Variants in TAFA1 observed in about 807,000 individuals in gnomAD.
The protein encoded by TAFA1 is chemokine-like protein TAFA-1.
A neutral mutation model predicts 18.5 loss-of-function variants in TAFA1; 4 were observed. That is an observed-to-expected ratio of 0.22 (90% CI 0.11 to 0.49). The LOEUF (loss-of-function observed/expected upper bound fraction) is 0.49. Ranked by LOEUF, TAFA1 falls within the 20% of genes least tolerant of loss-of-function variation. The pLI, the probability that TAFA1 is intolerant of heterozygous loss-of-function variation, is 0.98. For synonymous variants in TAFA1, 56 were observed against 55.2 expected (o/e 1.01, Z -0.06); for missense variants, 147 against 169.0 (o/e 0.87, Z 0.72).
At chr3:68,161,283 G>C (rs1465102751) in intron 2 of TAFA1, among the ~76,000 whole-genome samples, 1 of 152,118 alleles carries the variant, frequency 6.6e-6, no homozygotes, top group Admixed American at 6.5e-5. Context: ...AAATTTTCTA[G>C]TTTGGAATTT....
intron 2 of TAFA1, among the ~76,000 whole-genome samples, chr3:68,009,314 T>C (rs1471563090): frequency 6.6e-6 from 1 of 152,240 alleles, no homozygotes; most frequent in African/African-American, 2.4e-5. Context: ...TTATGTATAA[T>C]AAGTAAACTT....
chr3:68,238,085 G>C (rs1291428455), intron 2 of TAFA1, among the ~76,000 whole-genome samples: 1 of 151,986 alleles, frequency 6.6e-6, no homozygotes, highest in Non-Finnish European at 1.5e-5. Context: ...GTCACTTTAT[G>C]GATAACATTC....
At position 68,545,532 on chromosome 3, in the gene TAFA1, GAAGGCCATGA is replaced by G. The variant is rs1219715852; in HGVS notation, c.*1032_*1041del. 2.0e-5 allele frequency: 3 copies of G among 152,586 alleles called. No homozygotes were observed. Among genetic ancestry groups the G allele is most frequent in the African/African-American group, 7.2e-5 (3 of 41,450 alleles). 9.5% of individuals were successfully genotyped at this position (152,586 alleles called of 1,614,324 possible). A position where few individuals can be genotyped will look rare whatever the true frequency, so the allele number is the denominator to read the frequency against. On this transcript the variant is annotated 3_prime_UTR_variant, in exon 5 of 5. Transcript: ENST00000478136. ...ATTCAGGTCTCCTCTTGTGAGATAG[GAAGGCCATGA>G]AAACAATTAGATTTCAAGATGATCT...
intron 2 of TAFA1, among the ~76,000 whole-genome samples, chr3:68,036,305 G>A (rs1206850488): frequency 1.3e-5 from 2 of 151,928 alleles, no homozygotes. Context: ...CATGCATGGT[G>A]GTGTGCACCT....
At chr3:68,160,365 T>A (rs776566123) in intron 2 of TAFA1, among the ~76,000 whole-genome samples, 4 of 152,242 alleles carry the variant, frequency 2.6e-5, no homozygotes, top group Admixed American at 6.5e-5. Context: ...CGTGGCTGTG[T>A]TTCAATAAAA....
intron 2 of TAFA1, among the ~76,000 whole-genome samples, chr3:68,267,367 C>G (rs1430982220): frequency 1.3e-5 from 2 of 152,168 alleles, no homozygotes; most frequent in Non-Finnish European, 2.9e-5. Context: ...ATGGTTGTCA[C>G]ATCATTATCA....
chr3:68,512,004 C>T (rs1285225919), intron 3 of TAFA1, among the ~76,000 whole-genome samples: 1 of 151,968 alleles, frequency 6.6e-6, no homozygotes, highest in South Asian at 2.1e-4. Flanking sequence ...ACCTCAACAA[C>T]CCTATGAGAT....
At chr3:68,214,637 A>G (rs2066633019) in intron 2 of TAFA1, among the ~76,000 whole-genome samples, 1 of 152,016 alleles carries the variant, frequency 6.6e-6, no homozygotes, top group Admixed American at 6.6e-5. Context: ...TGGTTTTCAG[A>G]TAAATATAAT....
At chr3:68,153,759 G>A (rs1254578505) in intron 2 of TAFA1, among the ~76,000 whole-genome samples, 1 of 152,104 alleles carries the variant, frequency 6.6e-6, no homozygotes, top group Non-Finnish European at 1.5e-5. Flanking sequence ...CCTGTCATAT[G>A]ACTCCCCTGA....
chr3:68,257,870 C>T (rs919227085), intron 2 of TAFA1, among the ~76,000 whole-genome samples: 1 of 152,098 alleles, frequency 6.6e-6, no homozygotes, highest in African/African-American at 2.4e-5. Context: ...TTATCATGTG[C>T]CCCCTGATTT....
At chr3:68,261,300 C>T (rs2067415980) in intron 2 of TAFA1, among the ~76,000 whole-genome samples, 1 of 152,102 alleles carries the variant, frequency 6.6e-6, no homozygotes, top group South Asian at 2.1e-4. Context: ...ATTAGGAACA[C>T]TTTGACACTG....
intron 2 of TAFA1, among the ~76,000 whole-genome samples, chr3:68,316,551 CT>C (rs2068608422): frequency 6.6e-6 from 1 of 152,136 alleles, no homozygotes; most frequent in Admixed American, 6.6e-5. Flanking sequence ...TTGGCATCTC[CT>C]TTCAGACAAA....
chr3:68,154,489 T>A (rs2065843092), intron 2 of TAFA1, among the ~76,000 whole-genome samples: 1 of 152,204 alleles, frequency 6.6e-6, no homozygotes, highest in Middle Eastern at 3.2e-3. Flanking sequence ...CTAGGGAACT[T>A]AGTTGCAAAG....
chr3:68,539,786 G>C (rs565610374), intron 4 of TAFA1, among the ~76,000 whole-genome samples: 1 of 147,076 alleles, frequency 6.8e-6, no homozygotes, highest in Non-Finnish European at 1.5e-5. Context: ...AGAGAGGGGG[G>C]TCTCACTCTG....
At chr3:68,405,968 T>C (rs1027488098) in intron 2 of TAFA1, among the ~76,000 whole-genome samples, 8 of 151,964 alleles carry the variant, frequency 5.3e-5, no homozygotes, top group African/African-American at 1.9e-4. Context: ...ATTTATAGTA[T>C]ACCTACTATG....
the TAFA1 span, among the ~76,000 whole-genome samples, chr3:67,991,777 C>T: frequency 6.6e-6 from 1 of 152,196 alleles, no homozygotes; most frequent in Non-Finnish European, 1.5e-5. Flanking sequence ...GACAGCCTGT[C>T]GTGGGACTTC....
intron 2 of TAFA1, among the ~76,000 whole-genome samples, chr3:68,121,682 T>C (rs1420831458): frequency 6.6e-6 from 1 of 152,204 alleles, no homozygotes; most frequent in African/African-American, 2.4e-5. Flanking sequence ...AATACTAGTA[T>C]ATAAATGTAC....
At chr3:68,174,034 A>C (rs1450674989) in intron 2 of TAFA1, among the ~76,000 whole-genome samples, 2 of 152,210 alleles carry the variant, frequency 1.3e-5, no homozygotes, top group South Asian at 4.1e-4. Flanking sequence ...CTCTTATAGA[A>C]GTTTTATTCC....
chr3:68,296,929 T>C (rs1313345410), intron 2 of TAFA1, among the ~76,000 whole-genome samples: 1 of 152,124 alleles, frequency 6.6e-6, no homozygotes, highest in East Asian at 1.9e-4. Flanking sequence ...AGTGGCCTAA[T>C]TGGAGATGTC....
Sources: allele counts gnomAD v4.1 joint callset (sites outside exome capture counted in the v4.1 genomes callset), GRCh38; gene constraint gnomAD v4.1.1; transcripts MANE v1.5; gene names NCBI Gene and HGNC (gene_info 2026-07-23, HGNC 2026-07-21).